The following CYP20A1 variants were observed in gnomAD, a reference collection of about 807,000 sequenced individuals.
CYP20A1 encodes cytochrome P450 20A1.
CYP20A1 carries 61 observed loss-of-function variants against 61.4 expected under a neutral mutation model. The ratio of observed to expected loss-of-function variants is 0.99; its 90% CI spans 0.81 to 1.23. CYP20A1 has a LOEUF of 1.23. Ranked by LOEUF, CYP20A1 falls within the 50% of genes most tolerant of loss-of-function variation. CYP20A1 has a pLI of 0.00. For missense variants in CYP20A1, 530 were observed against 542.4 expected, an observed-to-expected ratio of 0.98 and a Z score of 0.23; for synonymous variants, 193 against 188.2, an observed-to-expected ratio of 1.03 and a Z score of -0.21.
intron 3 of CYP20A1, among the ~76,000 whole-genome samples, chr2:203,251,326 CAG>C (rs1388955354): frequency 2.6e-5 from 4 of 151,256 alleles, no homozygotes; most frequent in Non-Finnish European, 5.9e-5. Flanking sequence ...GCTTTAAAAT[CAG>C]GGGAATGTGC....
chr2:203,252,345 C>T (rs919063494), intron 4 of CYP20A1, among the ~76,000 whole-genome samples: 3 of 149,278 alleles, frequency 2.0e-5, no homozygotes, highest in Non-Finnish European at 3.0e-5. Context: ...GTAGAGAGCA[C>T]CTGAAGAAGT....
chr2:203,278,884 G>A (rs766776479), intron 7 of CYP20A1, among the ~76,000 whole-genome samples, 196 bp downstream of exon 7: 55 of 152,140 alleles, frequency 3.6e-4, no homozygotes, highest in Non-Finnish European at 6.6e-4. Flanking sequence ...TATACAGTGT[G>A]CTTTTCATTC....
At chr2:203,250,176 TA>T (rs144372981) in intron 3 of CYP20A1, among the ~76,000 whole-genome samples, 11 of 151,748 alleles carry the variant, frequency 7.2e-5, no homozygotes, top group South Asian at 2.1e-4. Flanking sequence ...GCATTGTTTA[TA>T]AAAAAAAATT....
chr2:203,296,170 A>G (rs901387664), intron 11 of CYP20A1, among the ~76,000 whole-genome samples: 5 of 152,132 alleles, frequency 3.3e-5, no homozygotes, highest in East Asian at 1.9e-4. Context: ...AAGCTGAGGT[A>G]GAAGGATAGT....
chr2:203,239,184 C>G lies in CYP20A1; in HGVS notation c.72+50C>G, dbSNP rs368463664. On this transcript the variant is annotated intron_variant, in intron 1 of 12. Coordinates refer to ENST00000356079, the MANE Select transcript of CYP20A1 (RefSeq NM_177538.3). ...GGCCCCGGGCGCCGCCCCAGTCTCTCTGTCGCCGGCATCCAGGCCAACCTG... is the reference window on the plus strand; with the variant it reads ...GGCCCCGGGCGCCGCCCCAGTCTCTGTGTCGCCGGCATCCAGGCCAACCTG... 9.3e-6 allele frequency: 14 copies of G among 1,505,452 alleles called. No homozygotes were observed. In the African/African-American group the frequency reaches 1.8e-4, roughly 19 times the overall value. The allele number at this position is 1,505,452 out of a possible 1,614,324, so 93.3% of individuals were successfully genotyped here.
intron 2 of CYP20A1, 48 bp from the exon 3 acceptor site, chr2:203,246,707 T>G (rs777838805): frequency 1.3e-6 from 2 of 1,576,898 alleles, no homozygotes; most frequent in East Asian, 2.2e-5. Context: ...TTTTTCTCAT[T>G]TTTCCAAATT....
rs771618264 is a variant in CYP20A1 at position 203,278,703 on chromosome 2, A to C, written c.795+15A>C. 1.2e-4 allele frequency: 167 copies of C among 1,389,470 alleles called. No individual in the cohort carries two copies. The highest frequency in any genetic ancestry group is 1.6e-4 in the Non-Finnish European group (164 of 1,002,172). The allele number at this position is 1,389,470 out of a possible 1,614,324, so 86.1% of individuals were successfully genotyped here. On this transcript the variant is annotated intron_variant, in intron 7 of 12. Transcript: ENST00000356079. ...ATGACCAACAGGTGATATAATTGTT[A>C]AATGTTTATCAGGTAAAAAAATAAG...
intron 3 of CYP20A1, among the ~76,000 whole-genome samples, chr2:203,248,803 G>A (rs1038061887): frequency 2.6e-5 from 4 of 152,014 alleles, no homozygotes; most frequent in African/African-American, 4.8e-5. Context: ...TACAACTCCT[G>A]GGCTCAAGCA....
rs533084935 is a variant in CYP20A1 at position 203,270,489 on chromosome 2, T to C, written c.601-2181T>C. Among the ~76,000 whole-genome samples, 11 of 152,162 alleles carry C rather than the reference T, an allele frequency of 7.2e-5. No individual in the cohort carries two copies. In the South Asian group the frequency reaches 2.3e-3, roughly 32 times the overall value. ...TGGCTGTTTTGCCTATATTTCTATT[T>C]TTGTGTTGCTTTTTCTTACTAATCT... On this transcript the variant is annotated intron_variant, in intron 5 of 12. Transcript: ENST00000356079.
At chr2:203,293,650 C>T (rs547974247) in intron 11 of CYP20A1, among the ~76,000 whole-genome samples, 2 of 151,712 alleles carry the variant, frequency 1.3e-5, no homozygotes, top group African/African-American at 4.8e-5. Context: ...TTTGGTGCAA[C>T]CGTCACCCAA....
rs571276195 is a variant in CYP20A1 at position 203,299,850 on chromosome 2, G to A, written c.*2942G>A. ...GATCGCGCCATTGCACTCCAGCCTGGGCAACAAGAGTGAAACTCCGTCTCA... is the reference window on the plus strand; with the variant it reads ...GATCGCGCCATTGCACTCCAGCCTGAGCAACAAGAGTGAAACTCCGTCTCA... On this transcript the variant is annotated 3_prime_UTR_variant, in exon 13 of 13. Coordinates refer to ENST00000356079, the MANE Select transcript of CYP20A1 (RefSeq NM_177538.3). Among the ~76,000 whole-genome samples the A allele has an allele frequency of 3.3e-5, 5 of 151,994 alleles. No individual in the cohort carries two copies. Among genetic ancestry groups the A allele is most frequent in the Admixed American group, 6.6e-5 (1 of 15,256 alleles).
In CYP20A1 at chr2:203,251,793, G is replaced by GTACATATATATATATATATA. The variant is rs1553513991; in HGVS notation, c.290-172_290-171insCATATATATATATATATATA. On this transcript the variant is annotated intron_variant, in intron 3 of 12. Transcript: ENST00000356079. ...TCAAAAGAAAACTATATATATATGT[G>GTACATATATATATATATATA]TATATATATATATATATATATATAA... 1.0e-3 allele frequency among the ~76,000 whole-genome samples: 64 copies of GTACATATATATATATATATA among 64,162 alleles called. 1 individual carries two copies. The highest frequency in any genetic ancestry group is 2.2e-3 in the African/African-American group (54 of 24,462). The allele number at this position is 64,162 out of a possible 152,430, so 42.1% of individuals were successfully genotyped here.
intron 8 of CYP20A1, among the ~76,000 whole-genome samples, chr2:203,284,565 C>T (rs2068185101): frequency 6.6e-6 from 1 of 151,800 alleles, no homozygotes; most frequent in South Asian, 2.1e-4. Context: ...CCAGTTTAAG[C>T]TAAAGTAAGC....
At chr2:203,294,527 A>G (rs971952329) in intron 11 of CYP20A1, among the ~76,000 whole-genome samples, 2 of 152,204 alleles carry the variant, frequency 1.3e-5, no homozygotes, top group Admixed American at 6.5e-5. Context: ...TCTCAAAAAA[A>G]TAAAAAATAA....
intron 10 of CYP20A1, among the ~76,000 whole-genome samples, chr2:203,290,419 A>G (rs1309406951): frequency 6.6e-6 from 1 of 152,142 alleles, no homozygotes; most frequent in Non-Finnish European, 1.5e-5. Context: ...TTATAGACCT[A>G]TTTCTGTGTA....
chr2:203,252,240 T>A, intron 4 of CYP20A1, 131 bp downstream of exon 4: 4 of 687,972 alleles, frequency 5.8e-6, no homozygotes, highest in Non-Finnish European at 8.8e-6. Flanking sequence ...ATTCTGAAAT[T>A]AAAAACGACA....
intron 4 of CYP20A1, among the ~76,000 whole-genome samples, chr2:203,264,886 C>T (rs2067266069): frequency 6.6e-6 from 1 of 151,954 alleles, no homozygotes; most frequent in African/African-American, 2.4e-5. Flanking sequence ...CTTGCCACCA[C>T]ACCCGGCTAA....
rs544117025 is a variant in CYP20A1 at position 203,301,110 on chromosome 2, C to T, written c.*4202C>T. Among the ~76,000 whole-genome samples the T allele has an allele frequency of 1.3e-5, 2 of 148,436 alleles. No homozygotes were observed. The highest frequency in any genetic ancestry group is 2.2e-4 in the South Asian group (1 of 4,622). ...ACTGGGGAGGCTGAAACAGGAGAAT[C>T]GCTTGAACCCAGTAGGGGAAGGTTG... On this transcript the variant is annotated 3_prime_UTR_variant, in exon 13 of 13. Coordinates refer to ENST00000356079, the MANE Select transcript of CYP20A1 (RefSeq NM_177538.3).
intron 8 of CYP20A1, among the ~76,000 whole-genome samples, chr2:203,284,397 G>A (rs1443250284): frequency 6.6e-6 from 1 of 152,000 alleles, no homozygotes; most frequent in Non-Finnish European, 1.5e-5. Flanking sequence ...TCTTTTAATA[G>A]TTATAATCCC....
Sources: gnomAD v4.1 joint callset for allele counts (sites outside exome capture counted in the v4.1 genomes callset) on GRCh38, gnomAD v4.1.1 for gene constraint, MANE v1.5 for transcripts, NCBI Gene and HGNC (gene_info 2026-07-23, HGNC 2026-07-21) for gene names.